Variants in SLC30A8 observed in about 807,000 individuals in gnomAD.
SLC30A8 encodes the protein proton-coupled zinc antiporter SLC30A8.
In SLC30A8, 27 loss-of-function variants were observed where a neutral mutation model predicts 36.9. That is an observed-to-expected ratio of 0.73 (90% CI 0.54 to 1.01). SLC30A8 has a LOEUF of 1.01. Ranked by LOEUF, SLC30A8 falls within the 50% of genes least tolerant of loss-of-function variation. SLC30A8 has a pLI of 0.00. For missense variants in SLC30A8, 439 were observed against 452.0 expected, an observed-to-expected ratio of 0.97 and a Z score of 0.26; for synonymous variants, 164 against 172.4, an observed-to-expected ratio of 0.95 and a Z score of 0.38.
chr8:117,013,445 A>G (rs188924313), intron 1 of SLC30A8, among the ~76,000 whole-genome samples: 1 of 152,292 alleles, frequency 6.6e-6, no homozygotes, highest in East Asian at 1.9e-4. Flanking sequence ...TTATCAAATC[A>G]TCTAGGCACC....
rs1823710687 is a variant in SLC30A8, at chr8:117,176,652, C to CTGTT, written c.*3973_*3976dup. ...CGTCTGTCATTCTGTTACTGGGCAC[C>CTGTT]TGTTTAAATTCTATTTTAAAATGTT... On this transcript the variant is annotated 3_prime_UTR_variant, in exon 8 of 8. Transcript: ENST00000456015. 2 of 152,456 alleles carry CTGTT rather than the reference C, an allele frequency of 1.3e-5. No individual in the cohort carries two copies. Among genetic ancestry groups the CTGTT allele is most frequent in the African/African-American group, 4.8e-5 (2 of 41,418 alleles). The allele number at this position is 152,456 out of a possible 1,614,324, so 9.4% of individuals were successfully genotyped here.
At chr8:116,960,519 C>T (rs532505948) in intron 1 of SLC30A8, among the ~76,000 whole-genome samples, 32 of 152,074 alleles carry the variant, frequency 2.1e-4, no homozygotes, top group Non-Finnish European at 4.0e-4. Flanking sequence ...AGGGAAATAC[C>T]GTAAGTATTC....
chr8:116,969,311 G>A (rs1301526883), intron 1 of SLC30A8, among the ~76,000 whole-genome samples: 2 of 152,066 alleles, frequency 1.3e-5, no homozygotes, highest in Non-Finnish European at 2.9e-5. Flanking sequence ...CCAGCTATTC[G>A]GGAGGCTGAG....
chr8:116,952,637 A>C (rs1235022357), intron 1 of SLC30A8, among the ~76,000 whole-genome samples: 1 of 152,064 alleles, frequency 6.6e-6, no homozygotes, highest in African/African-American at 2.4e-5. Flanking sequence ...AGAGAAAAAA[A>C]GTAGAGATGG....
chr8:117,021,175 C>T (rs1377352606), intron 1 of SLC30A8, among the ~76,000 whole-genome samples: 1 of 152,022 alleles, frequency 6.6e-6, no homozygotes, highest in Non-Finnish European at 1.5e-5. Context: ...TCCTCTTGGT[C>T]CTCAAAGCCT....
chr8:116,991,131 C>A (rs73312255), intron 1 of SLC30A8, among the ~76,000 whole-genome samples: 1 of 151,950 alleles, frequency 6.6e-6, no homozygotes, highest in African/African-American at 2.4e-5. Flanking sequence ...AGAATTTTTC[C>A]TCCTTCTTTT....
Position 117,157,821 on chromosome 8 carries a change from C to G in SLC30A8, c.549C>G (p.Ser183Arg). ...IQATVMIIVS[S>R]CAVAANIVLT... Reference sequence around the variant, plus strand: ...CGACTGTGATGATCATCGTTTCCAGCTGCGCAGTGGCGGCCAACATTGTGT... The same window carrying G: ...CGACTGTGATGATCATCGTTTCCAGGTGCGCAGTGGCGGCCAACATTGTGT... Residue 183 changes from serine (S) to arginine (R), a missense_variant, in exon 4 of 8, where the codon AGC becomes AGG. Transcript: ENST00000456015. 1 of 1,614,116 alleles carries G rather than the reference C, an allele frequency of 6.2e-7. No homozygotes were observed. Among genetic ancestry groups the G allele is most frequent in the Non-Finnish European group, 8.5e-7 (1 of 1,179,998 alleles).
intron 1 of SLC30A8, among the ~76,000 whole-genome samples, chr8:116,979,370 C>T (rs1210004422): frequency 1.3e-5 from 2 of 151,548 alleles, no homozygotes; most frequent in African/African-American, 4.8e-5. Flanking sequence ...AACATAAATG[C>T]ATAAAGCAGA....
rs562808493 is a variant in SLC30A8 at position 117,044,734 on chromosome 8, A to G, written c.-226+5476A>G. On this transcript the variant is annotated intron_variant, in intron 2 of 10. Transcript: ENST00000427715. ...CAAAAGGAAACTTAAAATCAATTAG[A>G]GGGAAAGAGAAAACCTATTTCTGTC... Among the ~76,000 whole-genome samples the G allele has an allele frequency of 2.0e-3, 312 of 152,348 alleles. 2 individuals are homozygous for G. Among genetic ancestry groups the G allele is most frequent in the African/African-American group, 7.2e-3 (300 of 41,560 alleles).
At chr8:117,075,411 C>A (rs2130804568) in intron 2 of SLC30A8, among the ~76,000 whole-genome samples, 1 of 152,240 alleles carries the variant, frequency 6.6e-6, no homozygotes, top group Admixed American at 6.5e-5. Flanking sequence ...TGAAAATGAG[C>A]TTGTAAATAT....
chr8:117,129,637 A>G (rs1442433743), intron 2 of SLC30A8, among the ~76,000 whole-genome samples: 1 of 152,010 alleles, frequency 6.6e-6, no homozygotes, highest in East Asian at 1.9e-4. Context: ...AATACCTAAA[A>G]TAGGAAAACA....
At chr8:117,026,159 G>T (rs970115463) in intron 1 of SLC30A8, among the ~76,000 whole-genome samples, 1 of 152,080 alleles carries the variant, frequency 6.6e-6, no homozygotes, top group African/African-American at 2.4e-5. Flanking sequence ...GGCTGACTTT[G>T]GTGTGCTTCA....
At chr8:117,094,280 GGAA>G (rs1819262747) in intron 2 of SLC30A8, among the ~76,000 whole-genome samples, 1 of 152,234 alleles carries the variant, frequency 6.6e-6, no homozygotes, top group South Asian at 2.1e-4. Context: ...CCTGTGTCCA[GGAA>G]GAATGAAGTA....
intron 2 of SLC30A8, among the ~76,000 whole-genome samples, chr8:117,102,214 CAA>C (rs1819755221): frequency 6.6e-6 from 1 of 152,114 alleles, no homozygotes; most frequent in Admixed American, 6.6e-5. Flanking sequence ...CCTTTTTATA[CAA>C]AGTTTTCCAT....
At chr8:117,138,338 T>G (rs1235384918) in intron 1 of SLC30A8, among the ~76,000 whole-genome samples, 1 of 151,966 alleles carries the variant, frequency 6.6e-6, no homozygotes, top group Non-Finnish European at 1.5e-5. Context: ...AGAAAATTAA[T>G]AATTATTTAT....
chr8:117,025,560 C>T (rs1271764010), intron 1 of SLC30A8, among the ~76,000 whole-genome samples: 2 of 152,186 alleles, frequency 1.3e-5, no homozygotes, highest in Non-Finnish European at 2.9e-5. Flanking sequence ...GCGCTATTCT[C>T]CCTCCAGACA....
At chr8:117,014,732 A>G (rs1213023318) in intron 1 of SLC30A8, among the ~76,000 whole-genome samples, 1 of 152,140 alleles carries the variant, frequency 6.6e-6, no homozygotes, top group Non-Finnish European at 1.5e-5. Flanking sequence ...TTGATAGGTC[A>G]CTGCCCCTGG....
At chr8:117,064,358 C>G (rs1818106791) in intron 2 of SLC30A8, among the ~76,000 whole-genome samples, 3 of 152,142 alleles carry the variant, frequency 2.0e-5, no homozygotes, top group African/African-American at 7.2e-5. Context: ...TGAAAGCTAT[C>G]AAGACATTCT....
At chr8:117,083,995 A>G (rs1818769394) in intron 2 of SLC30A8, among the ~76,000 whole-genome samples, 1 of 152,132 alleles carries the variant, frequency 6.6e-6, no homozygotes, top group African/African-American at 2.4e-5. Context: ...GCCCCAAGAT[A>G]AGAGCACAGA....
Sources: gnomAD v4.1 joint callset for allele counts (sites outside exome capture counted in the v4.1 genomes callset) on GRCh38, gnomAD v4.1.1 for gene constraint, MANE v1.5 for transcripts, NCBI Gene and HGNC (gene_info 2026-07-23, HGNC 2026-07-21) for gene names.